The following CDH9 variants were observed in gnomAD, a reference collection of about 807,000 sequenced individuals.
The protein encoded by CDH9 is cadherin-9.
Under a neutral mutation model 70.9 loss-of-function variants are expected in CDH9, and 28 were observed. The observed-to-expected ratio is 0.40, with a 90% CI of 0.29 to 0.54. CDH9 has a LOEUF of 0.54. CDH9 is among the 20% of genes least tolerant of loss of function. CDH9 has a pLI of 0.59. For missense variants in CDH9, 874 were observed against 984.4 expected (o/e 0.89, Z 1.50); for synonymous variants, 409 against 343.1 (o/e 1.19, Z -2.12).
At chr5:27,019,757 T>C (rs1336673129) in intron 1 of CDH9, among the ~76,000 whole-genome samples, 3 of 151,934 alleles carry the variant, frequency 2.0e-5, no homozygotes, top group Non-Finnish European at 4.4e-5. Flanking sequence ...GAGTTTTAAA[T>C]TTACTCGTCG....
chr5:26,916,979 C>T (rs1162574922), intron 2 of CDH9, among the ~76,000 whole-genome samples: 2 of 151,760 alleles, frequency 1.3e-5, no homozygotes, highest in African/African-American at 4.8e-5. Flanking sequence ...TGATAAATGT[C>T]CATCTGTAAA....
At chr5:26,904,320 G>A (rs1428792288) in intron 5 of CDH9, among the ~76,000 whole-genome samples, 1 of 151,510 alleles carries the variant, frequency 6.6e-6, no homozygotes, top group Admixed American at 6.6e-5. Context: ...TTTTAGTGGG[G>A]CATGGATGTT....
intron 2 of CDH9, among the ~76,000 whole-genome samples, chr5:26,933,223 C>A (rs940766271): frequency 6.7e-6 from 1 of 149,718 alleles, no homozygotes; most frequent in African/African-American, 2.4e-5. Flanking sequence ...ATATAAAATT[C>A]ATGGTAAAAT....
At chr5:26,890,653 A>T in intron 7 of CDH9, 89 bp from the exon 8 acceptor site, 3 of 902,208 alleles carry the variant, frequency 3.3e-6, no homozygotes, top group South Asian at 3.1e-5. Context: ...TTCCACAATG[A>T]TCTGACAAAG....
rs1298544093 is a variant in CDH9 at position 26,905,808 on chromosome 5, T to A, written c.811+151A>T. On this transcript the variant is annotated intron_variant, in intron 5 of 11. Transcript: ENST00000231021. ...CCATCACTCTCTATTTGTGGGAAAT[T>A]GTGTTTTTTTTTTGGTAGAGGAATG... is the stretch of plus-strand genomic sequence containing the variant. 12 of 522,320 alleles carry A rather than the reference T, an allele frequency of 2.3e-5. No homozygotes were observed. The East Asian group carries it at 3.2e-4, about 14-fold the overall frequency. The allele number at this position is 522,320 out of a possible 1,614,324, so 32.4% of individuals were successfully genotyped here. A position where few individuals can be genotyped will look rare whatever the true frequency, so the allele number is the denominator to read the frequency against.
chr5:26,956,215 G>A (rs1349100750), intron 2 of CDH9, among the ~76,000 whole-genome samples: 1 of 152,086 alleles, frequency 6.6e-6, no homozygotes, highest in Non-Finnish European at 1.5e-5. Flanking sequence ...TTCTTGGGAT[G>A]GTGAATAAGT....
At chr5:26,905,073 T>A (rs191785668) in intron 5 of CDH9, among the ~76,000 whole-genome samples, 150 of 152,208 alleles carry the variant, frequency 9.9e-4, no homozygotes, top group Admixed American at 2.6e-3. Flanking sequence ...CAATCAAAGA[T>A]CAATACAACA....
intron 2 of CDH9, among the ~76,000 whole-genome samples, chr5:26,923,532 A>G (rs1741284295): frequency 6.6e-6 from 1 of 152,064 alleles, no homozygotes; most frequent in East Asian, 1.9e-4. Flanking sequence ...AAAAAAATCA[A>G]CAAAGAAACA....
At chr5:26,952,921 A>C (rs68185060) in intron 2 of CDH9, among the ~76,000 whole-genome samples, 1,741 of 129,298 alleles carry the variant, frequency 0.013, 45 homozygotes, top group African/African-American at 0.043. Flanking sequence ...AAAAAAAAAA[A>C]AGTTTAAAGA....
At chr5:27,022,975 T>C (rs914414516) in intron 1 of CDH9, among the ~76,000 whole-genome samples, 3 of 152,086 alleles carry the variant, frequency 2.0e-5, no homozygotes, top group African/African-American at 7.2e-5. Context: ...GGAAGCTTAT[T>C]ACAAAAGTGG....
At chr5:27,026,169 A>G (rs913283755) in intron 1 of CDH9, among the ~76,000 whole-genome samples, 1 of 152,044 alleles carries the variant, frequency 6.6e-6, no homozygotes, top group Admixed American at 6.6e-5. Context: ...CAAGAAAAAA[A>G]TAGAATGTAG....
chr5:26,894,531 T>G (rs900834424), intron 7 of CDH9, among the ~76,000 whole-genome samples: 1 of 152,092 alleles, frequency 6.6e-6, no homozygotes, highest in African/African-American at 2.4e-5. Flanking sequence ...AGCGCCAACT[T>G]CCAGGTCTAT....
intron 7 of CDH9, among the ~76,000 whole-genome samples, chr5:26,901,539 T>C (rs1740854130): frequency 1.3e-5 from 2 of 151,934 alleles, no homozygotes; most frequent in African/African-American, 4.8e-5. Context: ...TAATATGCTA[T>C]ATGTAAAGGA....
chr5:26,912,852 G>A (rs937833283), intron 3 of CDH9, among the ~76,000 whole-genome samples: 1 of 152,114 alleles, frequency 6.6e-6, no homozygotes, highest in South Asian at 2.1e-4. Context: ...GCCCTGATGG[G>A]AAGGTGATTG....
At chr5:26,978,137 C>T (rs1331183889) in intron 2 of CDH9, among the ~76,000 whole-genome samples, 4 of 151,174 alleles carry the variant, frequency 2.6e-5, no homozygotes, top group African/African-American at 9.7e-5. Context: ...ATAATCTAAG[C>T]TTTCTAGAGA....
chr5:26,886,064 A>T lies in CDH9; in HGVS notation c.1532T>A (p.Val511Asp). The part of the protein sequence containing the change: ...KPGQLIQTVS[V>D]MDKDDPPRGH... ...TCGGGGAGGGTCATCCTTATCCATG[A>T]CACTGACAGTCTGAATCAACTGAAA... The change falls in exon 10 of 12, where the codon GTC becomes GAC. Residue 511 changes from valine to aspartate, a missense_variant. Coordinates refer to ENST00000231021, the MANE Select transcript of CDH9 (RefSeq NM_016279.4). 1 of 1,602,158 alleles carries T rather than the reference A, an allele frequency of 6.2e-7. No homozygotes were observed. The highest frequency in any genetic ancestry group is 1.1e-5 in the South Asian group (1 of 87,548).
At chr5:26,962,781 T>G (rs753938635) in intron 2 of CDH9, among the ~76,000 whole-genome samples, 2 of 152,142 alleles carry the variant, frequency 1.3e-5, no homozygotes, top group Non-Finnish European at 2.9e-5. Flanking sequence ...CTAGAGTACA[T>G]GTGTTCTGTT....
intron 2 of CDH9, among the ~76,000 whole-genome samples, chr5:26,973,205 C>T (rs1000102756): frequency 6.6e-6 from 1 of 152,024 alleles, no homozygotes; most frequent in Non-Finnish European, 1.5e-5. Flanking sequence ...TATCTGATCA[C>T]TGGGTATCAG....
At chr5:26,967,046 C>T (rs932939535) in intron 2 of CDH9, among the ~76,000 whole-genome samples, 13 of 152,146 alleles carry the variant, frequency 8.5e-5, no homozygotes, top group African/African-American at 3.1e-4. Flanking sequence ...GATCCTCTCA[C>T]CTCAGCCTTC....
Sources: allele counts gnomAD v4.1 joint callset (sites outside exome capture counted in the v4.1 genomes callset), GRCh38; gene constraint gnomAD v4.1.1; transcripts MANE v1.5; gene names NCBI Gene and HGNC (gene_info 2026-07-23, HGNC 2026-07-21).